Variants in METTL2B observed in about 807,000 individuals in gnomAD.
METTL2B encodes the protein methyltransferase 2B, tRNA N3-cytidine, also known as tRNA N(3)-cytidine methyltransferase METTL2B.
A neutral mutation model predicts 51.0 loss-of-function variants in METTL2B; 28 were observed. The observed-to-expected ratio is 0.55, with a 90% CI of 0.41 to 0.75. The LOEUF (loss-of-function observed/expected upper bound fraction) is 0.75. METTL2B is among the 30% of genes least tolerant of loss of function. The probability of loss-of-function intolerance (pLI) is 0.00; values close to 1 mark genes in which losing one functional copy is unlikely to be tolerated. For missense variants in METTL2B, 313 were observed against 460.7 expected (o/e 0.68, Z 2.93); for synonymous variants, 128 against 166.3 (o/e 0.77, Z 1.77).
intron 5 of METTL2B, chr7:128,488,490 A>C (rs3993547): frequency 2.0e-6 from 1 of 508,172 alleles, no homozygotes; most frequent in Non-Finnish European, 4.0e-6. Flanking sequence ...CTTTTTTACT[A>C]TTATGTATGT....
At chr7:128,477,836 G>T in intron 2 of METTL2B, 1 of 336,428 alleles carries the variant, frequency 3.0e-6, no homozygotes, top group South Asian at 2.2e-5. Context: ...ACAACAAAAA[G>T]GTTCCAGTTA....
Position 128,493,890 on chromosome 7 carries a change from C to T in METTL2B, c.756C>T (p.Gly252=). Residue 252 remains glycine (G), a synonymous_variant, in exon 6 of 9, where the codon GGC becomes GGT. Transcript: ENST00000262432. ...DEEKSYPVPK[G]SLDIIILIFV... ...AGAAGAGTTACCCAGTGCCCAAGGG[C>T]AGTCTTGATATTATCATTCTCATAT... 1 of 1,611,914 alleles carries T rather than the reference C, an allele frequency of 6.2e-7. No homozygotes were observed. The highest frequency in any genetic ancestry group is 8.5e-7 in the Non-Finnish European group (1 of 1,179,230).
chr7:128,499,125 G>A (rs1767176991), intron 7 of METTL2B, among the ~76,000 whole-genome samples: 1 of 152,142 alleles, frequency 6.6e-6, no homozygotes, highest in Non-Finnish European at 1.5e-5. Flanking sequence ...TATAATAGAT[G>A]AAGACTTAAT....
At chr7:128,491,316 C>T (rs575185019) in intron 5 of METTL2B, among the ~76,000 whole-genome samples, 7 of 151,170 alleles carry the variant, frequency 4.6e-5, no homozygotes, top group East Asian at 3.9e-4. Context: ...AAAAACTAGG[C>T]CGGGTGCAGT....
At chr7:128,501,055 T>C (rs1427072491) in intron 8 of METTL2B, 87 bp downstream of exon 8, 1 of 1,590,936 alleles carries the variant, frequency 6.3e-7, no homozygotes, top group African/African-American at 1.3e-5. Context: ...ATCTGGCCCC[T>C]CCTGCCTTTT....
intron 4 of METTL2B, among the ~76,000 whole-genome samples, chr7:128,486,340 C>T (rs1352721136): frequency 6.6e-6 from 1 of 151,826 alleles, no homozygotes; most frequent in African/African-American, 2.4e-5. Context: ...TGGCTCATGC[C>T]TGTAATCTGA....
chr7:128,482,228 AT>A (rs1247539547), intron 4 of METTL2B, among the ~76,000 whole-genome samples: 1 of 152,082 alleles, frequency 6.6e-6, no homozygotes, highest in Non-Finnish European at 1.5e-5. Context: ...ATCTCGACTC[AT>A]TGCAACCTCC....
At chr7:128,491,154 CAAAAAAA>C (rs56007742) in intron 5 of METTL2B, among the ~76,000 whole-genome samples, 2 of 103,436 alleles carry the variant, frequency 1.9e-5, no homozygotes, top group African/African-American at 7.9e-5. Context: ...GACTCCATCT[CAAAAAAA>C]AAAAAAAAAA....
intron 6 of METTL2B, among the ~76,000 whole-genome samples, chr7:128,496,936 A>G (rs569497952): frequency 5.9e-5 from 9 of 152,216 alleles, no homozygotes; most frequent in African/African-American, 2.2e-4. Context: ...GCCTGCCACC[A>G]TCCCTGGCTA....
intron 5 of METTL2B, among the ~76,000 whole-genome samples, chr7:128,489,920 G>A (rs1213029472): frequency 2.0e-5 from 3 of 152,044 alleles, no homozygotes; most frequent in African/African-American, 4.8e-5. Context: ...GAGCCACCGC[G>A]CCCGGCCGGC....
At position 128,503,529 on chromosome 7, in the gene METTL2B, G is replaced by A. The variant is rs1438860396; in HGVS notation, c.*1613G>A. The A allele has an allele frequency of 6.7e-6, 1 of 149,672 alleles. No homozygotes were observed. The highest frequency in any genetic ancestry group is 2.5e-5 in the African/African-American group (1 of 40,556). The allele number at this position is 149,672 out of a possible 1,614,324, so 9.3% of individuals were successfully genotyped here. A position where few individuals can be genotyped will look rare whatever the true frequency, so the allele number is the denominator to read the frequency against. On this transcript the variant is annotated 3_prime_UTR_variant, in exon 9 of 9. Transcript: ENST00000262432. ...TAGCTCATTATCACCTCGAACTTCT[G>A]GCTTGAGCCATCGCTCCACCTCAGC...
chr7:128,491,575 C>T (rs1419015131), intron 5 of METTL2B, among the ~76,000 whole-genome samples: 1 of 148,446 alleles, frequency 6.7e-6, no homozygotes, highest in Non-Finnish European at 1.5e-5. Context: ...GCCTGGGCTA[C>T]AAGAGCGAAA....
At chr7:128,497,218 A>G (rs957587088) in intron 6 of METTL2B, among the ~76,000 whole-genome samples, 3 of 151,832 alleles carry the variant, frequency 2.0e-5, no homozygotes, top group Non-Finnish European at 4.4e-5. Context: ...TAAGTGTAAA[A>G]CCCTCTGTCT....
chr7:128,493,737 A>G, intron 5 of METTL2B, 67 bp from the exon 6 acceptor site: 1 of 1,529,888 alleles, frequency 6.5e-7, no homozygotes, highest in Non-Finnish European at 8.8e-7. Flanking sequence ...AATTTAAAAC[A>G]AGATAATCTT....
intron 4 of METTL2B, among the ~76,000 whole-genome samples, chr7:128,486,362 A>G (rs1792716615): frequency 6.6e-6 from 1 of 151,964 alleles, no homozygotes. Flanking sequence ...CACTTTGGGA[A>G]GCCAAGGTGG....
rs746392126 is a variant in METTL2B at position 128,498,079 on chromosome 7, G to C, written c.853G>C (p.Gly285Arg). The C allele has an allele frequency of 1.2e-6, 2 of 1,613,582 alleles. No homozygotes were observed. The highest frequency in any genetic ancestry group is 2.2e-5 in the South Asian group (2 of 91,084). ...INRLSRLLKP[G>R]GMVLLRDYGR... ...CAGGCTGAGCAGGCTTCTGAAACCT[G>C]GGGGGATGGTACTTCTGCGAGATTA... The change falls in exon 7 of 9, where the codon GGG (glycine) becomes CGG (arginine). Residue 285 changes from glycine to arginine, a missense_variant. Transcript: ENST00000262432.
At chr7:128,480,723 A>G (rs747431350) in intron 4 of METTL2B, 27 bp downstream of exon 4, 2 of 1,588,720 alleles carry the variant, frequency 1.3e-6, no homozygotes, top group Admixed American at 1.8e-5. Flanking sequence ...AGTTTATGAT[A>G]GCAAAGAAGA....
In METTL2B at chr7:128,504,574, C is replaced by G. The variant is rs919313024; in HGVS notation, c.*2658C>G. 7 of 150,350 alleles carry G rather than the reference C, an allele frequency of 4.7e-5. No individual in the cohort carries two copies. The highest frequency in any genetic ancestry group is 1.0e-4 in the Non-Finnish European group (7 of 67,470). The allele number at this position is 150,350 out of a possible 1,614,324, so 9.3% of individuals were successfully genotyped here. ...TTCTCCATGTTGGTCAGGCTGATCT[C>G]GAACTCCCGACCTCAGGTGATCTGC... is the stretch of plus-strand genomic sequence containing the variant. On this transcript the variant is annotated 3_prime_UTR_variant, in exon 9 of 9. Coordinates refer to ENST00000262432, the MANE Select transcript of METTL2B (RefSeq NM_018396.3).
intron 5 of METTL2B, 143 bp downstream of exon 5, chr7:128,488,304 A>G: frequency 9.9e-7 from 1 of 1,007,406 alleles, no homozygotes. Flanking sequence ...GATAACGAGC[A>G]TACCTTGTTT....
Sources: allele counts gnomAD v4.1 joint callset (sites outside exome capture counted in the v4.1 genomes callset), GRCh38; gene constraint gnomAD v4.1.1; transcripts MANE v1.5; gene names NCBI Gene and HGNC (gene_info 2026-07-23, HGNC 2026-07-21).